RIMS2: variants seen among roughly 807,000 people sequenced by gnomAD.
The protein encoded by RIMS2 is regulating synaptic membrane exocytosis protein 2.
RIMS2 carries 59 observed loss-of-function variants against 174.4 expected under a neutral mutation model. The ratio of observed to expected loss-of-function variants is 0.34; its 90% CI spans 0.27 to 0.42. RIMS2 has a LOEUF of 0.42. Among genes scored for constraint, RIMS2 ranks in the 10% least tolerant of loss-of-function variants. RIMS2 has a pLI of 1.00. For missense variants in RIMS2, 1,620 were observed against 1,666.3 expected (o/e 0.97, Z 0.48); for synonymous variants, 606 against 572.5 (o/e 1.06, Z -0.84).
chr8:104,112,066 C>T (rs2098194267), intron 19 of RIMS2, among the ~76,000 whole-genome samples: 1 of 152,116 alleles, frequency 6.6e-6, no homozygotes, highest in Admixed American at 6.5e-5. Flanking sequence ...ATTAAAGTTT[C>T]CTATTTCCAC....
At chr8:104,117,108 G>A (rs556577471) in intron 19 of RIMS2, among the ~76,000 whole-genome samples, 2 of 152,016 alleles carry the variant, frequency 1.3e-5, no homozygotes, top group South Asian at 4.2e-4. Context: ...CAGCCAATCA[G>A]GAAACTGAGG....
intron 3 of RIMS2, among the ~76,000 whole-genome samples, chr8:103,787,304 T>C (rs2098453060): frequency 6.6e-6 from 1 of 152,078 alleles, no homozygotes; most frequent in Non-Finnish European, 1.5e-5. Context: ...GTGAATCTGA[T>C]CTTGTCGTTA....
At chr8:104,010,245 C>A (rs1159034898) in intron 17 of RIMS2, among the ~76,000 whole-genome samples, 1 of 152,048 alleles carries the variant, frequency 6.6e-6, no homozygotes, top group Non-Finnish European at 1.5e-5. Flanking sequence ...CTTTTATGAG[C>A]AACTATGTTG....
chr8:103,945,607 A>G (rs2083531023), intron 14 of RIMS2, among the ~76,000 whole-genome samples: 1 of 152,178 alleles, frequency 6.6e-6, no homozygotes, highest in African/African-American at 2.4e-5. Flanking sequence ...AAAGGGATTT[A>G]TCCTAGTAAT....
chr8:103,937,884 A>G (rs1349590689), intron 13 of RIMS2, among the ~76,000 whole-genome samples: 1 of 152,190 alleles, frequency 6.6e-6, no homozygotes, highest in Non-Finnish European at 1.5e-5. Flanking sequence ...TCCCTTCTCT[A>G]TGGAGTCTTG....
chr8:103,689,491 T>A (rs1172735242), intron 1 of RIMS2, among the ~76,000 whole-genome samples: 3 of 152,182 alleles, frequency 2.0e-5, no homozygotes, highest in Admixed American at 1.3e-4. Flanking sequence ...TAGGTCTATC[T>A]CTCTCTTTAG....
At chr8:103,756,465 T>G (rs2098011218) in intron 2 of RIMS2, among the ~76,000 whole-genome samples, 1 of 150,456 alleles carries the variant, frequency 6.6e-6, no homozygotes, top group South Asian at 2.1e-4. Context: ...AAGACAGGTG[T>G]CACTTTGTCA....
intron 19 of RIMS2, among the ~76,000 whole-genome samples, chr8:104,223,129 ATTAGTCACCACTCCCTGGCC>A (rs1444650230): frequency 6.6e-6 from 1 of 152,192 alleles, no homozygotes; most frequent in East Asian, 1.9e-4. Flanking sequence ...ACTGCATCTA[ATTAGTCACCACTCCCTGGCC>A]TTAACCACGC....
At chr8:103,740,701 G>A (rs939002902) in intron 2 of RIMS2, among the ~76,000 whole-genome samples, 1 of 152,014 alleles carries the variant, frequency 6.6e-6, no homozygotes, top group Non-Finnish European at 1.5e-5. Flanking sequence ...GGTTGCAAAG[G>A]GTACAAATTC....
rs28548325 is a variant in RIMS2, at chr8:104,249,761, A to C, written c.3691+173A>C. ...GTGTGTTTATCCTGAATGAGTGTTC[A>C]GTGAGGATGATCCGGTGGGGATAAT... is the stretch of plus-strand genomic sequence containing the variant. On this transcript the variant is annotated intron_variant, in intron 22 of 23. Transcript: ENST00000504942. Among the ~76,000 whole-genome samples the C allele has an allele frequency of 9.9e-3, 1,504 of 152,218 alleles. 21 individuals are homozygous for C. Among genetic ancestry groups the C allele is most frequent in the African/African-American group, 0.033 (1,355 of 41,556 alleles).
At chr8:103,941,078 A>T (rs1252177274) in intron 13 of RIMS2, among the ~76,000 whole-genome samples, 3 of 152,186 alleles carry the variant, frequency 2.0e-5, no homozygotes, top group Non-Finnish European at 4.4e-5. Context: ...TAATACTAGT[A>T]TGCAACTCAG....
chr8:104,141,332 G>A (rs2098568871), intron 19 of RIMS2, among the ~76,000 whole-genome samples: 1 of 152,080 alleles, frequency 6.6e-6, no homozygotes, highest in Admixed American at 6.6e-5. Context: ...AGATAGTAAA[G>A]GTTCAATATA....
intron 14 of RIMS2, among the ~76,000 whole-genome samples, chr8:103,953,805 G>A (rs1456804709): frequency 6.6e-6 from 1 of 152,080 alleles, no homozygotes. Flanking sequence ...GACACAGACT[G>A]GCAAATTGGA....
At chr8:104,084,230 C>T (rs2097488842) in intron 19 of RIMS2, among the ~76,000 whole-genome samples, 1 of 151,838 alleles carries the variant, frequency 6.6e-6, no homozygotes, top group Non-Finnish European at 1.5e-5. Flanking sequence ...CACTTGACGT[C>T]AGGAGTTGAA....
At chr8:103,793,021 C>T (rs1198353040) in intron 3 of RIMS2, among the ~76,000 whole-genome samples, 1 of 152,170 alleles carries the variant, frequency 6.6e-6, no homozygotes, top group African/African-American at 2.4e-5. Context: ...GAACTGGTAC[C>T]ATTCCTTCTG....
chr8:103,630,498 A>G (rs1381634952), intron 1 of RIMS2, among the ~76,000 whole-genome samples: 1 of 151,264 alleles, frequency 6.6e-6, no homozygotes, highest in African/African-American at 2.4e-5. Context: ...GAGAATCACT[A>G]GAACCAGGGA....
intron 19 of RIMS2, among the ~76,000 whole-genome samples, chr8:104,060,000 A>G (rs1035603022): frequency 1.3e-5 from 2 of 151,986 alleles, no homozygotes; most frequent in East Asian, 3.9e-4. Context: ...TTTTGCATCA[A>G]TGTTCATCAA....
intron 19 of RIMS2, among the ~76,000 whole-genome samples, chr8:104,219,836 T>C (rs2099147446): frequency 1.3e-5 from 2 of 152,208 alleles, no homozygotes; most frequent in Admixed American, 1.3e-4. Context: ...AAACTACATA[T>C]ACTACTTGTA....
chr8:104,210,121 A>G (rs1176060990), intron 19 of RIMS2, among the ~76,000 whole-genome samples: 6 of 152,204 alleles, frequency 3.9e-5, no homozygotes, highest in Admixed American at 6.5e-5. Context: ...TTTTTTGTAT[A>G]CGTAGAAACA....
Sources: allele counts gnomAD v4.1 joint callset (sites outside exome capture counted in the v4.1 genomes callset), GRCh38; gene constraint gnomAD v4.1.1; transcripts MANE v1.5; gene names NCBI Gene and HGNC (gene_info 2026-07-23, HGNC 2026-07-21).